Variants in FSTL5 observed in about 807,000 individuals in gnomAD.
FSTL5 encodes follistatin like 5.
FSTL5 carries 62 observed loss-of-function variants against 89.1 expected under a neutral mutation model. The observed-to-expected ratio is 0.70, with a 90% CI of 0.57 to 0.86. The LOEUF (loss-of-function observed/expected upper bound fraction) is 0.86. FSTL5 is among the 40% of genes least tolerant of loss of function. FSTL5 has a pLI of 0.00. For missense variants in FSTL5, 1,057 were observed against 1,001.6 expected, an observed-to-expected ratio of 1.06 and a Z score of -0.75; for synonymous variants, 383 against 346.2, an observed-to-expected ratio of 1.11 and a Z score of -1.18.
chr4:161,842,142 A>T, intron 4 of FSTL5, among the ~76,000 whole-genome samples: 1 of 152,328 alleles, frequency 6.6e-6, no homozygotes, highest in Non-Finnish European at 1.5e-5. Flanking sequence ...TTGAAGGTAC[A>T]GTCTGTGAAC....
At chr4:162,088,671 A>G (rs1730418434) in intron 2 of FSTL5, among the ~76,000 whole-genome samples, 1 of 152,136 alleles carries the variant, frequency 6.6e-6, no homozygotes, top group Non-Finnish European at 1.5e-5. Context: ...TTAGATATTT[A>G]TTAGAAACAG....
At chr4:161,691,119 TG>T in intron 6 of FSTL5, among the ~76,000 whole-genome samples, 1 of 152,248 alleles carries the variant, frequency 6.6e-6, no homozygotes, top group Non-Finnish European at 1.5e-5. Flanking sequence ...TAATACATTG[TG>T]AAATTTAAGG....
intron 7 of FSTL5, among the ~76,000 whole-genome samples, chr4:161,627,546 C>T (rs1486381024): frequency 6.6e-6 from 1 of 152,108 alleles, no homozygotes; most frequent in East Asian, 1.9e-4. Flanking sequence ...TTCAAGATCT[C>T]CGAGGCATGC....
intron 6 of FSTL5, among the ~76,000 whole-genome samples, chr4:161,659,056 A>C (rs1432482073): frequency 6.6e-6 from 1 of 152,186 alleles, no homozygotes. Context: ...ATAAATGCTG[A>C]GATTTGGCAT....
chr4:162,133,257 G>A (rs926906220), intron 1 of FSTL5, among the ~76,000 whole-genome samples: 1 of 152,122 alleles, frequency 6.6e-6, no homozygotes, highest in Admixed American at 6.5e-5. Flanking sequence ...AGTCTAAATG[G>A]CATTGAAAGT....
chr4:161,657,010 A>G (rs1221757644), intron 6 of FSTL5, among the ~76,000 whole-genome samples: 1 of 152,212 alleles, frequency 6.6e-6, no homozygotes, highest in African/African-American at 2.4e-5. Context: ...AACAGCAATT[A>G]AGTAAAATTC....
Position 162,095,875 on chromosome 4 carries a change from G to A in FSTL5, c.126+15396C>T, listed in dbSNP as rs180892102. 1.1e-3 allele frequency among the ~76,000 whole-genome samples: 171 copies of A among 151,976 alleles called. 1 individual carries two copies. Among genetic ancestry groups the A allele is most frequent in the African/African-American group, 3.9e-3 (160 of 41,482 alleles). ...ATACACACGTTACATGTGTAAGTACGATGATCAAGCATTTTAAACAAGTAC... is the reference window on the plus strand; with the variant it reads ...ATACACACGTTACATGTGTAAGTACAATGATCAAGCATTTTAAACAAGTAC... On this transcript the variant is annotated intron_variant, in intron 2 of 15. Transcript: ENST00000306100.
intron 4 of FSTL5, among the ~76,000 whole-genome samples, chr4:161,917,092 A>G (rs1733861838): frequency 6.6e-6 from 1 of 152,130 alleles, no homozygotes; most frequent in Non-Finnish European, 1.5e-5. Flanking sequence ...AGCTGGGATT[A>G]CAGGCGTCTG....
intron 3 of FSTL5, among the ~76,000 whole-genome samples, chr4:161,980,837 C>T (rs542915433): frequency 6.9e-5 from 9 of 131,134 alleles, no homozygotes; most frequent in African/African-American, 2.0e-4. Context: ...AGTGCAATGG[C>T]GCGATCTCGG....
chr4:161,833,628 T>C (rs1730924885), intron 4 of FSTL5, among the ~76,000 whole-genome samples: 1 of 152,104 alleles, frequency 6.6e-6, no homozygotes, highest in Admixed American at 6.6e-5. Flanking sequence ...CCTTTTACCA[T>C]TATGTAATAG....
At chr4:161,624,796 C>T (rs968884596) in intron 7 of FSTL5, among the ~76,000 whole-genome samples, 1 of 151,942 alleles carries the variant, frequency 6.6e-6, no homozygotes, top group South Asian at 2.1e-4. Context: ...CATTTTAGTG[C>T]ACATATTTTT....
intron 6 of FSTL5, among the ~76,000 whole-genome samples, chr4:161,693,061 T>C (rs1255049770): frequency 2.6e-5 from 4 of 152,148 alleles, no homozygotes; most frequent in Non-Finnish European, 5.9e-5. Flanking sequence ...TCCAGAATTG[T>C]GACACAATTT....
chr4:161,831,055 G>A (rs359128), intron 4 of FSTL5, among the ~76,000 whole-genome samples: 146,696 of 151,972 alleles, frequency 0.97, 70,947 homozygotes, highest in Non-Finnish European at 1. Flanking sequence ...CCAGTAAAAA[G>A]TATTCTTGTA....
At chr4:161,485,180 A>T (rs1729635683) in intron 12 of FSTL5, among the ~76,000 whole-genome samples, 1 of 152,234 alleles carries the variant, frequency 6.6e-6, no homozygotes, top group African/African-American at 2.4e-5. Flanking sequence ...ATTTGCAGAA[A>T]AAAAGTGTTG....
At chr4:161,965,991 A>T (rs1457402685) in intron 3 of FSTL5, among the ~76,000 whole-genome samples, 1 of 152,140 alleles carries the variant, frequency 6.6e-6, no homozygotes, top group African/African-American at 2.4e-5. Context: ...GACTTAGTAC[A>T]TCATAGTATG....
At chr4:161,741,318 T>C (rs1740021365) in intron 6 of FSTL5, among the ~76,000 whole-genome samples, 1 of 152,158 alleles carries the variant, frequency 6.6e-6, no homozygotes. Flanking sequence ...TAAGTGTCCT[T>C]ACAAGTGAAA....
chr4:161,479,746 C>A (rs1578866157), intron 13 of FSTL5, among the ~76,000 whole-genome samples: 1 of 152,270 alleles, frequency 6.6e-6, no homozygotes, highest in East Asian at 1.9e-4. Context: ...TCCTTTTACT[C>A]ATGGTTGTAC....
At chr4:161,415,643 A>G (rs1731746307) in intron 15 of FSTL5, among the ~76,000 whole-genome samples, 1 of 150,762 alleles carries the variant, frequency 6.6e-6, no homozygotes. Context: ...ATGTTGTATT[A>G]TAGGGGATAC....
At chr4:161,450,971 C>T (rs952612926) in intron 15 of FSTL5, among the ~76,000 whole-genome samples, 6 of 152,052 alleles carry the variant, frequency 3.9e-5, no homozygotes, top group African/African-American at 9.7e-5. Context: ...GTCTCGATCT[C>T]CTGACCTCGT....
Sources: gnomAD v4.1 joint callset for allele counts (sites outside exome capture counted in the v4.1 genomes callset) on GRCh38, gnomAD v4.1.1 for gene constraint, MANE v1.5 for transcripts, NCBI Gene and HGNC (gene_info 2026-07-23, HGNC 2026-07-21) for gene names.